PAPPA: variants seen among roughly 807,000 people sequenced by gnomAD.
PAPPA encodes pappalysin 1.
PAPPA carries 60 observed loss-of-function variants against 164.0 expected under a neutral mutation model. The ratio of observed to expected loss-of-function variants is 0.37; its 90% CI spans 0.30 to 0.45. The LOEUF (loss-of-function observed/expected upper bound fraction) is 0.45. PAPPA is among the 20% of genes least tolerant of loss of function. The pLI is 1.00. For missense variants in PAPPA, 1,782 were observed against 2,087.3 expected (o/e 0.85, Z 2.85); for synonymous variants, 875 against 814.1 (o/e 1.07, Z -1.27).
intron 2 of PAPPA, 30 bp from the exon 3 acceptor site, chr9:116,207,416 TGGGGGCATGA>T: frequency 6.3e-7 from 1 of 1,575,080 alleles, no homozygotes; most frequent in Admixed American, 1.8e-5. Context: ...GTTATCTTTT[TGGGGGCATGA>T]TAACAGCCAA....
At chr9:116,285,342 G>A (rs550508163) in intron 9 of PAPPA, among the ~76,000 whole-genome samples, 24 of 151,686 alleles carry the variant, frequency 1.6e-4, no homozygotes, top group African/African-American at 4.3e-4. Flanking sequence ...GCTAATTTTT[G>A]TATTTTTGTA....
At chr9:116,390,410 C>G (rs1846874638) in intron 21 of PAPPA, among the ~76,000 whole-genome samples, 1 of 151,920 alleles carries the variant, frequency 6.6e-6, no homozygotes, top group South Asian at 2.1e-4. Context: ...GAGCATGGTG[C>G]AAGGGGAAAA....
intron 10 of PAPPA, among the ~76,000 whole-genome samples, chr9:116,323,335 C>G (rs1845882982): frequency 6.6e-6 from 1 of 152,080 alleles, no homozygotes; most frequent in Non-Finnish European, 1.5e-5. Flanking sequence ...CTAGTCACCA[C>G]CAGACATCCT....
intron 10 of PAPPA, among the ~76,000 whole-genome samples, chr9:116,308,862 T>G (rs1845680253): frequency 6.6e-6 from 1 of 152,198 alleles, no homozygotes; most frequent in Non-Finnish European, 1.5e-5. Flanking sequence ...ACATAAGTGT[T>G]GTAAATTGCC....
chr9:116,225,806 T>TATCC (rs376275323), intron 5 of PAPPA, among the ~76,000 whole-genome samples: 4,569 of 151,406 alleles, frequency 0.03, 74 homozygotes, highest in East Asian at 0.075. Context: ...AAGTGACTGG[T>TATCC]ATCCATCCAT....
rs568502233 is a variant in PAPPA at position 116,374,862 on chromosome 9, C to A, written c.4606-2714C>A. 4.0e-4 allele frequency among the ~76,000 whole-genome samples: 61 copies of A among 152,334 alleles called. 2 individuals carry two copies. Among genetic ancestry groups the A allele is most frequent in the Admixed American group, 3.8e-3 (58 of 15,306 alleles). On this transcript the variant is annotated intron_variant, in intron 19 of 21. Transcript: ENST00000328252. ...AAGCAGGTGATCCTCTTCACCCAGC[C>A]CCATGGCTGGGAGGCAGAGGGGGAA...
At chr9:116,333,961 C>T (rs1207734407) in intron 12 of PAPPA, among the ~76,000 whole-genome samples, 1 of 152,172 alleles carries the variant, frequency 6.6e-6, no homozygotes, top group Non-Finnish European at 1.5e-5. Context: ...CAGGCTTCCA[C>T]ATGGGAGATT....
chr9:116,215,899 A>G (rs1231856194), intron 4 of PAPPA, among the ~76,000 whole-genome samples: 1 of 152,196 alleles, frequency 6.6e-6, no homozygotes, highest in African/African-American at 2.4e-5. Flanking sequence ...TATGTATGTG[A>G]TGATAAGAAT....
chr9:116,276,768 T>C (rs2118835672), intron 9 of PAPPA, among the ~76,000 whole-genome samples: 1 of 152,222 alleles, frequency 6.6e-6, no homozygotes, highest in Admixed American at 6.5e-5. Context: ...CTGTGATCCC[T>C]GACACAGCAT....
chr9:116,281,312 G>A (rs1243392633), intron 9 of PAPPA, among the ~76,000 whole-genome samples: 4 of 152,066 alleles, frequency 2.6e-5, no homozygotes, highest in African/African-American at 4.8e-5. Context: ...GAGAGACAGC[G>A]CGAGGAGTTA....
intron 19 of PAPPA, chr9:116,373,677 T>TTGG (rs1846606437): frequency 1.3e-5 from 2 of 152,098 alleles, no homozygotes; most frequent in Non-Finnish European, 2.9e-5. Flanking sequence ...CTCTCCACCT[T>TTGG]TCTGAACTTT....
At chr9:116,169,736 A>AT (rs200690647) in intron 1 of PAPPA, among the ~76,000 whole-genome samples, 71 of 143,486 alleles carry the variant, frequency 4.9e-4, no homozygotes, top group East Asian at 1.2e-3. Context: ...GGCACACTAG[A>AT]TTTTTTTTTT....
At chr9:116,343,938 T>A (rs1399076615) in intron 13 of PAPPA, among the ~76,000 whole-genome samples, 1 of 151,838 alleles carries the variant, frequency 6.6e-6, no homozygotes, top group Non-Finnish European at 1.5e-5. Flanking sequence ...TTTTTTGTAT[T>A]TTCTTTTTTA....
At chr9:116,363,109 C>A (rs1049717055) in intron 18 of PAPPA, among the ~76,000 whole-genome samples, 8 of 152,210 alleles carry the variant, frequency 5.3e-5, no homozygotes, top group Admixed American at 3.9e-4. Context: ...GTTATGAAAG[C>A]ACACATCACA....
chr9:116,344,608 A>G lies in PAPPA; in HGVS notation c.3677A>G (p.Asn1226Ser), dbSNP rs771173202. 6.2e-7 allele frequency: 1 copy of G among 1,614,098 alleles called. No homozygotes were observed. The highest frequency in any genetic ancestry group is 8.5e-7 in the Non-Finnish European group (1 of 1,179,998). ...CTGGCTGTGGAGAATGCTTCTCTCA[A>G]TTGCTCCAGCAGCGACCGCTACCAC... ...PELAVENASL[N>S]CSSSDRYHGA... The change falls in exon 14 of 22, where the codon AAT (asparagine) becomes AGT (serine). Residue 1226 changes from asparagine to serine, a missense_variant. Coordinates refer to ENST00000328252, the MANE Select transcript of PAPPA (RefSeq NM_002581.5).
At chr9:116,207,356 A>G (rs1018576216) in intron 2 of PAPPA, 100 bp from the exon 3 acceptor site, 1 of 894,256 alleles carries the variant, frequency 1.1e-6, no homozygotes. Flanking sequence ...TAAAGTGCTT[A>G]GCAAAATGCC....
intron 10 of PAPPA, among the ~76,000 whole-genome samples, chr9:116,323,621 T>A (rs1471080140): frequency 6.6e-6 from 1 of 152,250 alleles, no homozygotes; most frequent in African/African-American, 2.4e-5. Context: ...GTTACTGTTC[T>A]GATTGTCTTT....
intron 21 of PAPPA, among the ~76,000 whole-genome samples, chr9:116,388,552 G>A (rs1199027082): frequency 6.6e-6 from 1 of 152,184 alleles, no homozygotes; most frequent in Non-Finnish European, 1.5e-5. Flanking sequence ...TTGGGGTATA[G>A]TCCTGGTTCT....
At chr9:116,349,591 G>A (rs1440515835) in intron 15 of PAPPA, among the ~76,000 whole-genome samples, 1 of 151,938 alleles carries the variant, frequency 6.6e-6, no homozygotes, top group Non-Finnish European at 1.5e-5. Context: ...TGATCTCCTG[G>A]GTAATCTTTT....
Sources: gnomAD v4.1 joint callset for allele counts (sites outside exome capture counted in the v4.1 genomes callset) on GRCh38, gnomAD v4.1.1 for gene constraint, MANE v1.5 for transcripts, NCBI Gene and HGNC (gene_info 2026-07-23, HGNC 2026-07-21) for gene names.